EFCAB13: variants seen among roughly 807,000 people sequenced by gnomAD.
EFCAB13 encodes the protein EF-hand calcium binding domain 13, also known as EF-hand calcium-binding domain-containing protein 13.
In EFCAB13, 91 loss-of-function variants were observed where a neutral mutation model predicts 110.2. The ratio of observed to expected loss-of-function variants is 0.83; its 90% CI spans 0.70 to 0.98. The LOEUF (loss-of-function observed/expected upper bound fraction) is 0.98, where lower values mean the gene tolerates loss of function less well. Among genes scored for constraint, EFCAB13 ranks in the 50% least tolerant of loss-of-function variants. EFCAB13 has a pLI of 0.00. For missense variants in EFCAB13, 968 were observed against 1,119.4 expected (o/e 0.86, Z 1.93); for synonymous variants, 323 against 369.9 (o/e 0.87, Z 1.45).
At chr17:47,388,727 T>C (rs2065689971) in intron 14 of EFCAB13, among the ~76,000 whole-genome samples, 1 of 152,220 alleles carries the variant, frequency 6.6e-6, no homozygotes, top group Non-Finnish European at 1.5e-5. Flanking sequence ...TTTGTATACA[T>C]GTCTTCCTCT....
chr17:47,395,165 G>A (rs989859063), intron 16 of EFCAB13, among the ~76,000 whole-genome samples: 1 of 152,040 alleles, frequency 6.6e-6, no homozygotes, highest in African/African-American at 2.4e-5. Context: ...GCACCTATCT[G>A]GCAAAACTCT....
chr17:47,390,536 G>A (rs2065701033), intron 14 of EFCAB13, among the ~76,000 whole-genome samples: 2 of 152,120 alleles, frequency 1.3e-5, no homozygotes, highest in Admixed American at 6.5e-5. Context: ...TTTAAATTTT[G>A]TGGAGAAAAT....
chr17:47,393,717 AAAATAAATAAATAAAT>A (rs142944677), intron 15 of EFCAB13, among the ~76,000 whole-genome samples: 14 of 142,244 alleles, frequency 9.8e-5, no homozygotes, highest in Admixed American at 2.8e-4. Flanking sequence ...CTCTTTCTCA[AAAATAAATAAATAAAT>A]AAATAAATAA....
intron 23 of EFCAB13, among the ~76,000 whole-genome samples, chr17:47,424,907 G>A (rs1310703532): frequency 9.7e-5 from 2 of 20,598 alleles, no homozygotes; most frequent in African/African-American, 3.0e-4. Flanking sequence ...TTTTGAGACG[G>A]AGTCTCGCTC....
At chr17:47,406,367 C>T (rs1185709686) in intron 20 of EFCAB13, among the ~76,000 whole-genome samples, 1 of 152,122 alleles carries the variant, frequency 6.6e-6, no homozygotes, top group African/African-American at 2.4e-5. Flanking sequence ...CCTCGGCCTC[C>T]CAAAGTGCTG....
intron 3 of EFCAB13, 73 bp from the exon 4 acceptor site, chr17:47,328,196 T>G: frequency 1.4e-6 from 1 of 725,886 alleles, no homozygotes; most frequent in East Asian, 2.5e-5. Flanking sequence ...AAGAGATAAC[T>G]TCAGGTAGGT....
At chr17:47,356,162 A>G (rs1244540531) in intron 9 of EFCAB13, among the ~76,000 whole-genome samples, 3 of 151,500 alleles carry the variant, frequency 2.0e-5, no homozygotes, top group Non-Finnish European at 4.4e-5. Context: ...TAGCCTAATA[A>G]TTGACCTTCT....
intron 14 of EFCAB13, among the ~76,000 whole-genome samples, chr17:47,390,325 T>TACACAC (rs111830433): frequency 0.01 from 1,558 of 150,208 alleles, 31 homozygotes; most frequent in East Asian, 0.065. Context: ...GTTTTTTTCA[T>TACACAC]ACACACACAC....
chr17:47,372,337 C>T (rs1342811838), intron 11 of EFCAB13, among the ~76,000 whole-genome samples: 1 of 152,118 alleles, frequency 6.6e-6, no homozygotes, highest in Non-Finnish European at 1.5e-5. Context: ...GCTTTGCTTG[C>T]ATAAACAAAC....
chr17:47,326,040 T>C (rs769477090), intron 2 of EFCAB13, among the ~76,000 whole-genome samples, 186 bp from the exon 3 acceptor site: 3 of 149,132 alleles, frequency 2.0e-5, no homozygotes, highest in Non-Finnish European at 4.4e-5. Flanking sequence ...TGCAGACATA[T>C]ACGTTGAATT....
chr17:47,409,376 G>T, intron 20 of EFCAB13: 1 of 351,564 alleles, frequency 2.8e-6, no homozygotes, highest in Non-Finnish European at 5.3e-6. Flanking sequence ...TCTCCCCTTA[G>T]GGAGAAAGGA....
intron 10 of EFCAB13, among the ~76,000 whole-genome samples, chr17:47,366,381 A>C (rs1440305651): frequency 2.0e-5 from 3 of 151,498 alleles, no homozygotes; most frequent in Non-Finnish European, 4.4e-5. Flanking sequence ...AGTTGTGACT[A>C]GTGCAGTTTT....
At chr17:47,334,774 G>A (rs777930565) in intron 4 of EFCAB13, among the ~76,000 whole-genome samples, 1 of 152,062 alleles carries the variant, frequency 6.6e-6, no homozygotes, top group Admixed American at 6.6e-5. Flanking sequence ...AATTAGCCAC[G>A]CATGATGGTG....
At chr17:47,391,636 T>C in intron 15 of EFCAB13, 56 bp downstream of exon 15, 1 of 1,446,958 alleles carries the variant, frequency 6.9e-7, no homozygotes, top group Non-Finnish European at 9.2e-7. Context: ...GAGGGTCAAT[T>C]TGTTATTTTT....
intron 9 of EFCAB13, among the ~76,000 whole-genome samples, chr17:47,351,382 C>G (rs1309481678): frequency 6.6e-6 from 1 of 150,594 alleles, no homozygotes; most frequent in Non-Finnish European, 1.5e-5. Context: ...GATTTTATGT[C>G]TTTGCTATTG....
At chr17:47,405,394 C>G (rs2065800036) in intron 20 of EFCAB13, among the ~76,000 whole-genome samples, 1 of 152,088 alleles carries the variant, frequency 6.6e-6, no homozygotes, top group Non-Finnish European at 1.5e-5. Context: ...TAATTACCCT[C>G]CTAAAGATTT....
intron 14 of EFCAB13, among the ~76,000 whole-genome samples, chr17:47,380,709 G>A (rs940945333): frequency 3.3e-5 from 5 of 152,066 alleles, no homozygotes; most frequent in Admixed American, 6.6e-5. Context: ...GTGTAAAAGC[G>A]TTCCTATTTC....
intron 12 of EFCAB13, among the ~76,000 whole-genome samples, chr17:47,377,422 G>T (rs2065622262): frequency 6.6e-6 from 1 of 152,054 alleles, no homozygotes. Flanking sequence ...TTGGCTTCCC[G>T]AAGTGCCGTG....
chr17:47,396,065 C>A (rs533633855), intron 17 of EFCAB13, 88 bp downstream of exon 17: 3 of 1,170,196 alleles, frequency 2.6e-6, no homozygotes, highest in Non-Finnish European at 3.5e-6. Flanking sequence ...TTGTACTTGG[C>A]GAGACGGAGT....
Sources: gnomAD v4.1 joint callset for allele counts (sites outside exome capture counted in the v4.1 genomes callset) on GRCh38, gnomAD v4.1.1 for gene constraint, MANE v1.5 for transcripts, NCBI Gene and HGNC (gene_info 2026-07-23, HGNC 2026-07-21) for gene names.